The following ST3GAL1 variants were observed in gnomAD, a reference collection of about 807,000 sequenced individuals.
ST3GAL1 encodes ST3 beta-galactoside alpha-2,3-sialyltransferase 1.
ST3GAL1 carries 16 observed loss-of-function variants against 34.1 expected under a neutral mutation model. That is an observed-to-expected ratio of 0.47 (90% CI 0.32 to 0.71). The LOEUF is 0.71. Among genes scored for constraint, ST3GAL1 ranks in the 30% least tolerant of loss-of-function variants. The probability of loss-of-function intolerance (pLI) is 0.04; values close to 1 mark genes in which losing one functional copy is unlikely to be tolerated. For missense variants in ST3GAL1, 353 were observed against 447.4 expected, an observed-to-expected ratio of 0.79 and a Z score of 1.90; for synonymous variants, 191 against 184.7, an observed-to-expected ratio of 1.03 and a Z score of -0.28.
chr8:133,463,853 C>T (rs571183090), intron 7 of ST3GAL1, among the ~76,000 whole-genome samples: 36 of 152,304 alleles, frequency 2.4e-4, no homozygotes, highest in African/African-American at 6.3e-4. Flanking sequence ...CTCACCTGGG[C>T]GGTTGCATGC....
intron 3 of ST3GAL1, among the ~76,000 whole-genome samples, chr8:133,493,980 C>T (rs1346031808): frequency 2.6e-5 from 4 of 152,154 alleles, no homozygotes; most frequent in Admixed American, 6.5e-5. Context: ...TCCAGGAAGA[C>T]GCTGGCAGGC....
intron 3 of ST3GAL1, among the ~76,000 whole-genome samples, chr8:133,482,599 C>G (rs1442978512): frequency 6.6e-6 from 1 of 152,232 alleles, no homozygotes; most frequent in Non-Finnish European, 1.5e-5. Flanking sequence ...CCCAGGCCAG[C>G]TCTGCACAGA....
At chr8:133,465,750 T>G (rs1815705762) in intron 6 of ST3GAL1, 144 bp downstream of exon 6, 1 of 795,314 alleles carries the variant, frequency 1.3e-6, no homozygotes, top group East Asian at 2.6e-5. Context: ...GCCCAGGGGG[T>G]GCAGTGTGGA....
At chr8:133,482,532 G>A (rs1816433865) in intron 3 of ST3GAL1, among the ~76,000 whole-genome samples, 1 of 152,172 alleles carries the variant, frequency 6.6e-6, no homozygotes, top group Non-Finnish European at 1.5e-5. Flanking sequence ...CCACCTCCCT[G>A]CCCCACCCAA....
chr8:133,514,061 G>A (rs181616683), intron 2 of ST3GAL1, among the ~76,000 whole-genome samples: 3 of 152,264 alleles, frequency 2.0e-5, no homozygotes, highest in Admixed American at 1.3e-4. Flanking sequence ...TTGCAAAAAC[G>A]ATCATCACAA....
intron 5 of ST3GAL1, among the ~76,000 whole-genome samples, chr8:133,475,094 A>C (rs2737427): frequency 6.6e-6 from 1 of 152,214 alleles, no homozygotes; most frequent in Non-Finnish European, 1.5e-5. Context: ...ATCATCCTGG[A>C]TTAGGGTGGG....
In ST3GAL1 at chr8:133,508,594, C is replaced by T. The variant is rs1817414348; in HGVS notation, c.-428-9405G>A. ...AGCGACTGTAAGGAAGAGACAATCT[C>T]AGAAGCAGGGCACTCGCTCAAATTC... is the stretch of plus-strand genomic sequence containing the variant. On this transcript the variant is annotated intron_variant, in intron 2 of 9. Coordinates refer to ENST00000522652, the MANE Select transcript of ST3GAL1 (RefSeq NM_173344.3). The surrounding 1 kb of genome is among the most constrained non-coding windows in gnomAD (Gnocchi z 4.1). Among the ~76,000 whole-genome samples, 2 of 152,262 alleles carry T rather than the reference C, an allele frequency of 1.3e-5. No homozygotes were observed. The highest frequency in any genetic ancestry group is 1.3e-4 in the Admixed American group (2 of 15,290).
chr8:133,485,026 A>G (rs1033417205), intron 3 of ST3GAL1, among the ~76,000 whole-genome samples: 3 of 152,208 alleles, frequency 2.0e-5, no homozygotes, highest in African/African-American at 7.2e-5. Flanking sequence ...CATGGCTCAA[A>G]TCCCATATTG....
At position 133,467,685 on chromosome 8, in the gene ST3GAL1, G is replaced by C. The variant is rs1002579751; in HGVS notation, c.307-1595C>G. Among the ~76,000 whole-genome samples, 4 of 152,188 alleles carry C rather than the reference G, an allele frequency of 2.6e-5. No homozygotes were observed. Among genetic ancestry groups the C allele is most frequent in the Non-Finnish European group, 5.9e-5 (4 of 68,040 alleles). On this transcript the variant is annotated intron_variant, in intron 5 of 9. Transcript: ENST00000522652. This position sits in a 1 kb window ranked among gnomAD's most constrained non-coding sequence, Gnocchi z 4.2. The stretch of plus-strand genomic sequence containing the variant: ...GCTACTCCGGGCCCCAGGGGCAAGG[G>C]GTGGCTGGGAGAGGAAGGAGTGGCC...
intron 2 of ST3GAL1, among the ~76,000 whole-genome samples, chr8:133,525,583 C>T (rs1266574269): frequency 6.6e-6 from 1 of 152,170 alleles, no homozygotes; most frequent in African/African-American, 2.4e-5. Context: ...CTACCATCAA[C>T]ATGGCATCCA....
At chr8:133,542,082 T>C (rs1469011393) in intron 2 of ST3GAL1, among the ~76,000 whole-genome samples, 1 of 150,020 alleles carries the variant, frequency 6.7e-6, no homozygotes, top group African/African-American at 2.5e-5. Flanking sequence ...TGTGGGTATC[T>C]GTGTGATACA....
rs1439546393 is a variant in ST3GAL1, at chr8:133,461,001, G to A, written c.849+874C>T. 2.6e-5 allele frequency among the ~76,000 whole-genome samples: 4 copies of A among 152,168 alleles called. No homozygotes were observed. The highest frequency in any genetic ancestry group is 2.1e-4 in the South Asian group (1 of 4,828). On this transcript the variant is annotated intron_variant, in intron 9 of 9. Coordinates refer to ENST00000522652, the MANE Select transcript of ST3GAL1 (RefSeq NM_173344.3). The surrounding 1 kb of genome is among the most constrained non-coding windows in gnomAD (Gnocchi z 4.7). ...AGGGCAAGAACGTTAGGGCCAAATC[G>A]GTGGGACGATGGGAGAAAGGGCTCT...
intron 3 of ST3GAL1, among the ~76,000 whole-genome samples, chr8:133,477,096 G>A (rs1333596082): frequency 1.3e-5 from 2 of 152,160 alleles, no homozygotes; most frequent in Non-Finnish European, 2.9e-5. Context: ...GCTTTAGATG[G>A]TCCAGGTTCA....
rs373946371 is a variant in ST3GAL1 at position 133,464,804 on chromosome 8, G to A, written c.657C>T (p.Ser219=). The change falls in exon 7 of 10, where the codon AGC becomes AGT. Residue 219 remains serine, a synonymous_variant. Coordinates refer to ENST00000522652, the MANE Select transcript of ST3GAL1 (RefSeq NM_173344.3). ...FKTIDLEWVV[S]AITTGTISHT... ...GGGAAATGGTGCCCGTGGTGATGGC[G>A]CTCACCACCCACTCCAAGTCGATGG... 112 of 1,613,398 alleles carry A rather than the reference G, an allele frequency of 6.9e-5. No homozygotes were observed. Among genetic ancestry groups the A allele is most frequent in the Non-Finnish European group, 9.0e-5 (106 of 1,179,656 alleles).
rs143625422 is a variant in ST3GAL1 at position 133,559,866 on chromosome 8, G to C, written c.-582+11827C>G. Among the ~76,000 whole-genome samples, 368 of 152,144 alleles carry C rather than the reference G, an allele frequency of 2.4e-3. 1 individual carries two copies. The highest frequency in any genetic ancestry group is 8.4e-3 in the African/African-American group (348 of 41,492). ...GCTCAGTCCTTTCTCCAAACCCCCC[G>C]GCAGGCTCAAAGTGGCTCACCGCCT... is the stretch of plus-strand genomic sequence containing the variant. On this transcript the variant is annotated intron_variant, in intron 1 of 9. Coordinates refer to ENST00000522652, the MANE Select transcript of ST3GAL1 (RefSeq NM_173344.3).
At chr8:133,484,798 G>A (rs1816519230) in intron 3 of ST3GAL1, among the ~76,000 whole-genome samples, 1 of 152,100 alleles carries the variant, frequency 6.6e-6, no homozygotes, top group South Asian at 2.1e-4. Flanking sequence ...CCTGCCACCT[G>A]TCCATCCCCC....
At chr8:133,504,112 G>A (rs1192642524) in intron 2 of ST3GAL1, among the ~76,000 whole-genome samples, 1 of 152,246 alleles carries the variant, frequency 6.6e-6, no homozygotes, top group Admixed American at 6.5e-5. Context: ...ATGGAAGGTG[G>A]GGAGGGAGGG....
intron 3 of ST3GAL1, among the ~76,000 whole-genome samples, chr8:133,490,442 C>T (rs181917957): frequency 2.5e-4 from 38 of 152,356 alleles, no homozygotes; most frequent in Admixed American, 6.5e-4. Flanking sequence ...GCAGTTCACA[C>T]GCATAAATCT....
intron 2 of ST3GAL1, among the ~76,000 whole-genome samples, chr8:133,537,792 G>A (rs1285561599): frequency 2.0e-5 from 3 of 152,206 alleles, no homozygotes; most frequent in Non-Finnish European, 4.4e-5. Context: ...CTGGAATCTT[G>A]TTCCTACAAA....
Sources: gnomAD v4.1 joint callset for allele counts (sites outside exome capture counted in the v4.1 genomes callset) on GRCh38, gnomAD v4.1.1 for gene constraint, Gnocchi (gnomAD v3.1) non-coding constraint, MANE v1.5 for transcripts, NCBI Gene and HGNC (gene_info 2026-07-23, HGNC 2026-07-21) for gene names.